RPA1: variants seen among roughly 807,000 people sequenced by gnomAD.
RPA1 encodes replication protein A1, also known as replication protein A 70 kDa DNA-binding subunit.
RPA1 carries 49 observed loss-of-function variants against 83.0 expected under a neutral mutation model. The ratio of observed to expected loss-of-function variants is 0.59; its 90% CI spans 0.47 to 0.75. The LOEUF is 0.75. Ranked by LOEUF, RPA1 falls within the 30% of genes least tolerant of loss-of-function variation. The pLI, the probability that RPA1 is intolerant of heterozygous loss-of-function variation, is 0.00. For synonymous variants in RPA1, 279 were observed against 281.8 expected, an observed-to-expected ratio of 0.99 and a Z score of 0.10; for missense variants, 693 against 776.1, an observed-to-expected ratio of 0.89 and a Z score of 1.27.
At chr17:1,892,167 C>T (rs1030769839) in intron 15 of RPA1, among the ~76,000 whole-genome samples, 5 of 151,918 alleles carry the variant, frequency 3.3e-5, no homozygotes, top group South Asian at 4.2e-4. Context: ...CCACGATGCC[C>T]GGCTAGTTTT....
At position 1,843,915 on chromosome 17, in the gene RPA1, C is replaced by T. The variant is rs770000047; in HGVS notation, c.85-5C>T. On this transcript the variant is annotated splice_region_variant and splice_polypyrimidine_tract_variant and intron_variant, in intron 2 of 16. Transcript: ENST00000254719. ...CTGGCTAATGAATCAAGTTTTCTGTCCTAGAACATCCGTCCCATTACTACG... is the reference window on the plus strand; with the variant it reads ...CTGGCTAATGAATCAAGTTTTCTGTTCTAGAACATCCGTCCCATTACTACG... The T allele has an allele frequency of 1.2e-6, 2 of 1,613,484 alleles. No individual in the cohort carries two copies. Among genetic ancestry groups the T allele is most frequent in the Non-Finnish European group, 8.5e-7 (1 of 1,179,706 alleles).
At chr17:1,895,353 T>A (rs1387882090) in intron 16 of RPA1, among the ~76,000 whole-genome samples, 2 of 151,660 alleles carry the variant, frequency 1.3e-5, no homozygotes, top group Admixed American at 6.6e-5. Flanking sequence ...TTTTTATTTT[T>A]ATTTTTTTTC....
At chr17:1,846,544 T>G (rs1912265232) in intron 4 of RPA1, among the ~76,000 whole-genome samples, 1 of 151,994 alleles carries the variant, frequency 6.6e-6, no homozygotes, top group East Asian at 1.9e-4. Context: ...ATGGTCTCGA[T>G]CTCCTGACCT....
chr17:1,856,616 A>G (rs1912708353), intron 5 of RPA1, among the ~76,000 whole-genome samples: 2 of 151,714 alleles, frequency 1.3e-5, no homozygotes, highest in African/African-American at 4.8e-5. Context: ...AAACAAAACG[A>G]AACTATATAT....
rs541476581 is a variant in RPA1 at position 1,898,795 on chromosome 17, G to A, written c.*1620G>A. ...GTAACTGGGTCGCATTTCAGTCTCT[G>A]ACTGAGGCCTCAGCCATTTTTACGG... is the stretch of plus-strand genomic sequence containing the variant. On this transcript the variant is annotated 3_prime_UTR_variant, in exon 17 of 17. Transcript: ENST00000254719. 7.2e-5 allele frequency: 11 copies of A among 152,362 alleles called. No individual in the cohort carries two copies. The highest frequency in any genetic ancestry group is 2.6e-4 in the African/African-American group (11 of 41,568). The allele number at this position is 152,362 out of a possible 1,614,324, so 9.4% of individuals were successfully genotyped here.
chr17:1,830,611 T>C (rs542400548), intron 1 of RPA1: 1 of 154,042 alleles, frequency 6.5e-6, no homozygotes, highest in South Asian at 2.1e-4. Context: ...TCAGCAGCGT[T>C]TGCGTTTAAG....
chr17:1,839,135 C>T (rs1014991032), intron 1 of RPA1, among the ~76,000 whole-genome samples: 4 of 152,108 alleles, frequency 2.6e-5, no homozygotes, highest in South Asian at 2.1e-4. Flanking sequence ...GGATTACAGG[C>T]GTGAGCCACT....
intron 4 of RPA1, among the ~76,000 whole-genome samples, chr17:1,846,844 G>A (rs1912282376): frequency 6.6e-6 from 1 of 152,038 alleles, no homozygotes; most frequent in South Asian, 2.1e-4. Flanking sequence ...GTTTTCCAAC[G>A]TAATAGTACA....
chr17:1,844,170 G>A (rs1912169007), intron 3 of RPA1, among the ~76,000 whole-genome samples, 172 bp downstream of exon 3: 1 of 152,112 alleles, frequency 6.6e-6, no homozygotes, highest in Non-Finnish European at 1.5e-5. Context: ...ATAGACTGGA[G>A]GTAGTGGAAA....
chr17:1,895,624 TTGAAAATTCCTGAA>T (rs1271818592), intron 16 of RPA1, among the ~76,000 whole-genome samples: 5 of 151,162 alleles, frequency 3.3e-5, no homozygotes, highest in Non-Finnish European at 5.9e-5. Context: ...TAAAACTACC[TTGAAAATTCCTGAA>T]ATTGCCCATA....
At chr17:1,872,347 C>T (rs1913403550) in intron 5 of RPA1, 87 bp from the exon 6 acceptor site, 14 of 1,530,836 alleles carry the variant, frequency 9.1e-6, no homozygotes, top group Non-Finnish European at 1.2e-5. Context: ...AAAATTTACA[C>T]TTTCCCAGAG....
rs532805455 is a variant in RPA1, at chr17:1,840,938, A to G, written c.34-1865A>G. 2.0e-5 allele frequency among the ~76,000 whole-genome samples: 3 copies of G among 152,176 alleles called. No homozygotes were observed. The South Asian group carries it at 6.2e-4, about 32-fold the overall frequency. ...AAAAATTAGCCAGGTGTGGTGGTGC[A>G]TGCCTGTAACCCCAGCTACGCGGGA... On this transcript the variant is annotated intron_variant, in intron 1 of 16. Coordinates refer to ENST00000254719, the MANE Select transcript of RPA1 (RefSeq NM_002945.5).
chr17:1,876,305 C>T (rs1423193359), intron 7 of RPA1, among the ~76,000 whole-genome samples: 2 of 152,098 alleles, frequency 1.3e-5, no homozygotes, highest in Non-Finnish European at 2.9e-5. Context: ...CCGTAATCCC[C>T]GCACTTTAGG....
In RPA1 at chr17:1,879,210, C is replaced by A; in HGVS notation, c.760-5C>A. 1 of 1,612,438 alleles carries A rather than the reference C, an allele frequency of 6.2e-7. No homozygotes were observed. Among genetic ancestry groups the A allele is most frequent in the Non-Finnish European group, 8.5e-7 (1 of 1,178,958 alleles). ...TCAGGTTCTGTGGCTTGGCCTCCTT[C>A]GCAGGTGTATTATTTCTCGAAAGGC... is the stretch of plus-strand genomic sequence containing the variant. On this transcript the variant is annotated splice_polypyrimidine_tract_variant and splice_region_variant and intron_variant, in intron 9 of 16. Coordinates refer to ENST00000254719, the MANE Select transcript of RPA1 (RefSeq NM_002945.5).
chr17:1,851,379 C>T (rs1462685479), intron 4 of RPA1, among the ~76,000 whole-genome samples: 1 of 152,174 alleles, frequency 6.6e-6, no homozygotes, highest in Non-Finnish European at 1.5e-5. Context: ...TCTGTAGGCT[C>T]TGCGTCTGCC....
chr17:1,872,629 A>C, intron 6 of RPA1, 103 bp downstream of exon 6: 1 of 1,475,530 alleles, frequency 6.8e-7, no homozygotes, highest in South Asian at 1.2e-5. Context: ...AATGCCATTC[A>C]TTACAGGGTT....
chr17:1,841,844 C>A (rs1370807392), intron 1 of RPA1, among the ~76,000 whole-genome samples: 3 of 151,988 alleles, frequency 2.0e-5, no homozygotes, highest in Non-Finnish European at 2.9e-5. Flanking sequence ...GTAAGTGTTG[C>A]CTTTTCCGTA....
At position 1,888,669 on chromosome 17, in the gene RPA1, C is replaced by T; in HGVS notation, c.1375-6C>T. 1 of 1,607,134 alleles carries T rather than the reference C, an allele frequency of 6.2e-7. No individual in the cohort carries two copies. ...CCGTGCCTCATGCTGTTCTTTTCTC[C>T]CGAAGCCGGACTACTTTAGTTCTGT... On this transcript the variant is annotated splice_region_variant and splice_polypyrimidine_tract_variant and intron_variant, in intron 13 of 16. Coordinates refer to ENST00000254719, the MANE Select transcript of RPA1 (RefSeq NM_002945.5).
chr17:1,868,047 G>A (rs957555633), intron 5 of RPA1, among the ~76,000 whole-genome samples: 1 of 152,060 alleles, frequency 6.6e-6, no homozygotes, highest in African/African-American at 2.4e-5. Context: ...TCATGCCGCT[G>A]TACTCCAACC....
Sources: allele counts gnomAD v4.1 joint callset (sites outside exome capture counted in the v4.1 genomes callset), GRCh38; gene constraint gnomAD v4.1.1; transcripts MANE v1.5; gene names NCBI Gene and HGNC (gene_info 2026-07-23, HGNC 2026-07-21).